PDS5B: variants seen among roughly 807,000 people sequenced by gnomAD.
PDS5B encodes the protein sister chromatid cohesion protein PDS5 homolog B.
PDS5B carries 51 observed loss-of-function variants against 184.1 expected under a neutral mutation model. The observed-to-expected ratio is 0.28, with a 90% CI of 0.22 to 0.35. The LOEUF is 0.35. Ranked by LOEUF, PDS5B falls within the 10% of genes least tolerant of loss-of-function variation. PDS5B has a pLI of 1.00. For missense variants in PDS5B, 1,180 were observed against 1,723.3 expected (o/e 0.68, Z 5.58); for synonymous variants, 566 against 569.2 (o/e 0.99, Z 0.08).
chr13:32,592,862 C>T (rs1280309292), intron 1 of PDS5B, among the ~76,000 whole-genome samples: 3 of 152,138 alleles, frequency 2.0e-5, no homozygotes, highest in Admixed American at 6.5e-5. Context: ...GTTTTTATCT[C>T]CTCTAGCTAA....
At chr13:32,695,835 A>G (rs919762281) in intron 14 of PDS5B, among the ~76,000 whole-genome samples, 2 of 152,054 alleles carry the variant, frequency 1.3e-5, no homozygotes, top group African/African-American at 4.8e-5. Context: ...TACAGTCTCA[A>G]TTCAGCTAGA....
chr13:32,719,305 C>A (rs1361655301), intron 19 of PDS5B, among the ~76,000 whole-genome samples: 1 of 152,108 alleles, frequency 6.6e-6, no homozygotes, highest in Admixed American at 6.5e-5. Flanking sequence ...ACCTCAGCCT[C>A]CCAAGTTGTT....
At chr13:32,694,889 G>T (rs1951659199) in intron 14 of PDS5B, among the ~76,000 whole-genome samples, 1 of 151,042 alleles carries the variant, frequency 6.6e-6, no homozygotes, top group Non-Finnish European at 1.5e-5. Flanking sequence ...CATGTAAAAG[G>T]CATAATTCAT....
At chr13:32,595,066 T>G (rs1441642156) in intron 1 of PDS5B, among the ~76,000 whole-genome samples, 2 of 152,186 alleles carry the variant, frequency 1.3e-5, no homozygotes, top group Non-Finnish European at 2.9e-5. Flanking sequence ...AGTGCACTGT[T>G]GGACACAACA....
intron 24 of PDS5B, among the ~76,000 whole-genome samples, chr13:32,746,994 CT>C (rs1332293518): frequency 2.0e-5 from 3 of 152,098 alleles, no homozygotes; most frequent in Non-Finnish European, 2.9e-5. Flanking sequence ...GAAATTTATA[CT>C]TTTATAAAGA....
chr13:32,719,873 C>G (rs561371615), intron 19 of PDS5B, among the ~76,000 whole-genome samples: 1 of 150,674 alleles, frequency 6.6e-6, no homozygotes, highest in South Asian at 2.2e-4. Flanking sequence ...TCACTGCAAC[C>G]TCTGCCTCCC....
chr13:32,718,378 C>G (rs1050652787), intron 19 of PDS5B, among the ~76,000 whole-genome samples: 1 of 152,172 alleles, frequency 6.6e-6, no homozygotes, highest in African/African-American at 2.4e-5. Flanking sequence ...TCTCGATCTC[C>G]TGACCTTGTG....
intron 22 of PDS5B, among the ~76,000 whole-genome samples, chr13:32,742,301 A>G (rs146974422): frequency 1.6e-3 from 239 of 152,312 alleles, no homozygotes; most frequent in Non-Finnish European, 2.8e-3. Flanking sequence ...TTCTGATTAG[A>G]GAGGTTAAGC....
intron 1 of PDS5B, among the ~76,000 whole-genome samples, chr13:32,625,544 G>C (rs1457081161): frequency 6.6e-6 from 1 of 152,016 alleles, no homozygotes; most frequent in East Asian, 1.9e-4. Context: ...GTCTCCTGAT[G>C]TACTTGATTT....
Position 32,699,744 on chromosome 13 carries a change from C to A in PDS5B, c.1615C>A (p.Pro539Thr). ...VMVITRNLPD[P>T]GKAQDFMKKF... is the part of the protein sequence containing the mutation. ...TTTATTTTAAGGAAATTTACCTGAT[C>A]CTGGTAAGGCTCAGGATTTCATGAA... Residue 539 changes from proline to threonine, a missense_variant, in exon 16 of 35, where the codon CCT becomes ACT. Transcript: ENST00000315596. 1.3e-6 allele frequency: 2 copies of A among 1,507,470 alleles called. No individual in the cohort carries two copies. The highest frequency in any genetic ancestry group is 2.9e-5 in the South Asian group (2 of 69,700). 93.4% of individuals were successfully genotyped at this position (1,507,470 alleles called of 1,614,324 possible).
chr13:32,643,083 A>G (rs1370077515), intron 1 of PDS5B, among the ~76,000 whole-genome samples: 1 of 152,176 alleles, frequency 6.6e-6, no homozygotes, highest in Non-Finnish European at 1.5e-5. Context: ...GTCTGTGGCC[A>G]TATTCATGTA....
chr13:32,658,683 A>G (rs561796289), intron 5 of PDS5B, 152 bp downstream of exon 5: 26 of 547,728 alleles, frequency 4.7e-5, no homozygotes, highest in African/African-American at 4.2e-4. Flanking sequence ...TCAAAAATGA[A>G]TAGAGCTTAA....
Position 32,759,637 on chromosome 13 carries a change from A to C in PDS5B, c.3319A>C (p.Asn1107His). ...FFTQPDKNFS[N>H]TKNYLPPEMK... ...TTTCTCTTGGTTGTAGAATTTCAGTAACACCAAAAATTATCTGCCTCCTGA... is the reference window on the plus strand; with the variant it reads ...TTTCTCTTGGTTGTAGAATTTCAGTCACACCAAAAATTATCTGCCTCCTGA... The change falls in exon 29 of 35, where the codon AAC becomes CAC. Residue 1107 changes from asparagine to histidine, a missense_variant. Transcript: ENST00000315596. 6.5e-7 allele frequency: 1 copy of C among 1,547,034 alleles called. No homozygotes were observed. The highest frequency in any genetic ancestry group is 8.9e-7 in the Non-Finnish European group (1 of 1,128,414).
intron 25 of PDS5B, among the ~76,000 whole-genome samples, chr13:32,754,843 T>C (rs912046524): frequency 1.3e-5 from 2 of 152,208 alleles, no homozygotes; most frequent in African/African-American, 4.8e-5. Context: ...ACCTTTCACA[T>C]TGAAGTGTAG....
At chr13:32,644,446 G>A (rs1950170809) in intron 1 of PDS5B, among the ~76,000 whole-genome samples, 1 of 152,056 alleles carries the variant, frequency 6.6e-6, no homozygotes, top group Non-Finnish European at 1.5e-5. Flanking sequence ...TGTTTTATCT[G>A]TAAATCCTTT....
At chr13:32,617,638 C>T (rs1294171866) in intron 1 of PDS5B, among the ~76,000 whole-genome samples, 1 of 152,164 alleles carries the variant, frequency 6.6e-6, no homozygotes, top group African/African-American at 2.4e-5. Context: ...GTTTCCCTTG[C>T]TGTTATCTGG....
At chr13:32,629,238 A>C (rs994350728) in intron 1 of PDS5B, among the ~76,000 whole-genome samples, 7 of 151,998 alleles carry the variant, frequency 4.6e-5, no homozygotes, top group Non-Finnish European at 8.8e-5. Context: ...AGTTTGAAGA[A>C]TCATTGCTCC....
In PDS5B at chr13:32,630,369, G is replaced by T. The variant is rs139330115; in HGVS notation, c.-19-18385G>T. 8.8e-3 allele frequency among the ~76,000 whole-genome samples: 1,341 copies of T among 152,238 alleles called. 16 individuals are homozygous for T. Among genetic ancestry groups the T allele is most frequent in the Admixed American group, 0.013 (200 of 15,296 alleles). On this transcript the variant is annotated intron_variant, in intron 1 of 34. Coordinates refer to ENST00000315596, the MANE Select transcript of PDS5B (RefSeq NM_015032.4). Reference sequence around the variant, plus strand: ...TTGGCAATGTCTGGAGACATTTTTGGTTGTCACAACTGGGGATGGTGATGG... The same window carrying T: ...TTGGCAATGTCTGGAGACATTTTTGTTTGTCACAACTGGGGATGGTGATGG...
In PDS5B at chr13:32,701,458, T is replaced by C; in HGVS notation, c.1856+20T>C. 2 of 1,382,208 alleles carry C rather than the reference T, an allele frequency of 1.4e-6. No homozygotes were observed. The highest frequency in any genetic ancestry group is 2.0e-6 in the Non-Finnish European group (2 of 978,020). 85.6% of individuals were successfully genotyped at this position (1,382,208 alleles called of 1,614,324 possible). ...TATCAGGTATTTGTATATAAAATAC[T>C]AAGTTCTCATTGCTGTTCATTAATG... On this transcript the variant is annotated intron_variant, in intron 17 of 34. Coordinates refer to ENST00000315596, the MANE Select transcript of PDS5B (RefSeq NM_015032.4).
Sources: allele counts gnomAD v4.1 joint callset (sites outside exome capture counted in the v4.1 genomes callset), GRCh38; gene constraint gnomAD v4.1.1; transcripts MANE v1.5; gene names NCBI Gene and HGNC (gene_info 2026-07-23, HGNC 2026-07-21).